MBD5: variants seen among roughly 807,000 people sequenced by gnomAD.
MBD5 encodes methyl-CpG binding domain protein 5.
Under a neutral mutation model 117.3 loss-of-function variants are expected in MBD5, and 13 were observed. The observed-to-expected ratio is 0.11, with a 90% CI of 0.07 to 0.18. The LOEUF (loss-of-function observed/expected upper bound fraction) is 0.18, where lower values mean the gene tolerates loss of function less well. Among genes scored for constraint, MBD5 ranks in the 10% least tolerant of loss-of-function variants. The probability of loss-of-function intolerance (pLI) is 1.00; values close to 1 mark genes in which losing one functional copy is unlikely to be tolerated. For synonymous variants in MBD5, 727 were observed against 766.4 expected (o/e 0.95, Z 0.85); for missense variants, 1,879 against 2,093.8 (o/e 0.90, Z 2.00).
chr2:148,487,062 A>C (rs1681361304), intron 10 of MBD5, among the ~76,000 whole-genome samples: 1 of 152,230 alleles, frequency 6.6e-6, no homozygotes, highest in South Asian at 2.1e-4. Flanking sequence ...ATAGTTAAGT[A>C]TATTATGGTA....
At chr2:148,096,758 C>T (rs1373558355) in intron 1 of MBD5, among the ~76,000 whole-genome samples, 1 of 152,106 alleles carries the variant, frequency 6.6e-6, no homozygotes, top group Non-Finnish European at 1.5e-5. Context: ...CTTCTTAATA[C>T]AACACCCAGA....
chr2:148,462,089 G>A (rs1030554400), intron 5 of MBD5, among the ~76,000 whole-genome samples: 2 of 152,140 alleles, frequency 1.3e-5, no homozygotes, highest in African/African-American at 4.8e-5. Flanking sequence ...GGACAACTTG[G>A]TTCTAGATTC....
At chr2:148,298,270 A>G (rs766945013) in intron 3 of MBD5, among the ~76,000 whole-genome samples, 3 of 152,136 alleles carry the variant, frequency 2.0e-5, no homozygotes, top group Non-Finnish European at 4.4e-5. Context: ...GGGTCATGAG[A>G]AATGTTGATA....
At chr2:148,129,427 C>T (rs943164443) in intron 1 of MBD5, among the ~76,000 whole-genome samples, 2 of 152,050 alleles carry the variant, frequency 1.3e-5, no homozygotes, top group Admixed American at 6.6e-5. Context: ...ACCAGGGAGG[C>T]GGAGGTTGCA....
chr2:148,106,611 T>A (rs1696379786), intron 1 of MBD5, among the ~76,000 whole-genome samples: 1 of 151,872 alleles, frequency 6.6e-6, no homozygotes, highest in South Asian at 2.1e-4. Context: ...TTTCCTATTA[T>A]TTTTTACTTT....
chr2:148,454,113 A>G (rs1388552280), intron 4 of MBD5, among the ~76,000 whole-genome samples: 1 of 152,162 alleles, frequency 6.6e-6, no homozygotes, highest in African/African-American at 2.4e-5. Context: ...TCACAAAATT[A>G]TATCCAACAA....
At chr2:148,030,785 A>G (rs531944995) in intron 1 of MBD5, among the ~76,000 whole-genome samples, 2 of 152,326 alleles carry the variant, frequency 1.3e-5, no homozygotes, top group East Asian at 3.9e-4. Context: ...GGAAAATTGC[A>G]GTTCTAGTCT....
intron 2 of MBD5, among the ~76,000 whole-genome samples, chr2:148,203,117 A>AAC (rs1699184403): frequency 6.6e-6 from 1 of 152,004 alleles, no homozygotes; most frequent in Non-Finnish European, 1.5e-5. Context: ...AAAAAAAAAA[A>AAC]AAAAGCTGTA....
intron 1 of MBD5, among the ~76,000 whole-genome samples, chr2:148,170,268 C>T (rs532126289): frequency 6.6e-6 from 1 of 152,146 alleles, no homozygotes; most frequent in South Asian, 2.1e-4. Flanking sequence ...AATTTAAGGC[C>T]CACTAAGAGA....
intron 4 of MBD5, among the ~76,000 whole-genome samples, chr2:148,410,980 T>C (rs1705229132): frequency 6.6e-6 from 1 of 152,112 alleles, no homozygotes; most frequent in African/African-American, 2.4e-5. Flanking sequence ...TAGTAACCAA[T>C]AGGTAGTTTT....
intron 1 of MBD5, among the ~76,000 whole-genome samples, chr2:148,100,925 ATTGAT>A (rs1696195491): frequency 1.3e-5 from 2 of 152,248 alleles, no homozygotes; most frequent in South Asian, 4.1e-4. Flanking sequence ...TGATTGATTG[ATTGAT>A]TGATTGGCAT....
intron 1 of MBD5, among the ~76,000 whole-genome samples, chr2:148,084,362 A>G (rs181681881): frequency 1.6e-3 from 250 of 152,356 alleles, no homozygotes; most frequent in African/African-American, 5.6e-3. Context: ...AAGGTATTGT[A>G]TTATGATTGA....
intron 4 of MBD5, among the ~76,000 whole-genome samples, chr2:148,426,284 A>G (rs1164298418): frequency 4.6e-5 from 7 of 152,246 alleles, no homozygotes; most frequent in Non-Finnish European, 7.3e-5. Flanking sequence ...CTTTCTTCAC[A>G]GAATTGGAAA....
chr2:148,376,712 T>C (rs1383868852), intron 4 of MBD5, among the ~76,000 whole-genome samples: 2 of 143,198 alleles, frequency 1.4e-5, no homozygotes, highest in African/African-American at 5.1e-5. Context: ...ATATATATCC[T>C]ATTATATATC....
chr2:148,513,170 G>A lies in MBD5; in HGVS notation c.*229G>A, dbSNP rs886054915. The A allele has an allele frequency of 1.3e-5, 7 of 529,368 alleles. No homozygotes were observed. Among genetic ancestry groups the A allele is most frequent in the African/African-American group, 3.8e-5 (2 of 52,640 alleles). The allele number at this position is 529,368 out of a possible 1,614,324, so 32.8% of individuals were successfully genotyped here. A position where few individuals can be genotyped will look rare whatever the true frequency, so the allele number is the denominator to read the frequency against. On this transcript the variant is annotated 3_prime_UTR_variant, in exon 14 of 14. Coordinates refer to ENST00000642680, the MANE Select transcript of MBD5 (RefSeq NM_001378120.1). ...CTCTGTGTGATGAGAGTGATCAATG[G>A]TCAAGAGATTACTGAGAAACTCTTT...
At chr2:148,281,167 C>T (rs1368011484) in intron 3 of MBD5, among the ~76,000 whole-genome samples, 1 of 152,116 alleles carries the variant, frequency 6.6e-6, no homozygotes, top group East Asian at 1.9e-4. Flanking sequence ...TCTGTGCAAA[C>T]ATTCTTATCT....
chr2:148,279,074 T>G (rs1427713397), intron 3 of MBD5, among the ~76,000 whole-genome samples: 3 of 152,092 alleles, frequency 2.0e-5, no homozygotes, highest in Non-Finnish European at 2.9e-5. Context: ...TTCCACCAAC[T>G]CACATGCCAG....
chr2:148,491,015 G>A (rs1028037378), intron 11 of MBD5, among the ~76,000 whole-genome samples: 2 of 152,300 alleles, frequency 1.3e-5, no homozygotes, highest in Admixed American at 6.5e-5. Flanking sequence ...CAATGGTTGC[G>A]CCAGGGGACG....
chr2:148,138,013 GTGACACA>G (rs1697213371), intron 1 of MBD5, among the ~76,000 whole-genome samples: 1 of 152,148 alleles, frequency 6.6e-6, no homozygotes, highest in South Asian at 2.1e-4. Context: ...CTGTCGTTAA[GTGACACA>G]TGATGGTATT....
Sources: gnomAD v4.1 joint callset for allele counts (sites outside exome capture counted in the v4.1 genomes callset) on GRCh38, gnomAD v4.1.1 for gene constraint, MANE v1.5 for transcripts, NCBI Gene and HGNC (gene_info 2026-07-23, HGNC 2026-07-21) for gene names.